FEZ1: variants seen among roughly 807,000 people sequenced by gnomAD.
The protein encoded by FEZ1 is fasciculation and elongation protein zeta-1.
In FEZ1, 20 loss-of-function variants were observed where a neutral mutation model predicts 49.3. The observed-to-expected ratio is 0.41, with a 90% CI of 0.29 to 0.59. FEZ1 has a LOEUF of 0.59. FEZ1 is among the 20% of genes least tolerant of loss of function. The pLI, the probability that FEZ1 is intolerant of heterozygous loss-of-function variation, is 0.36. For synonymous variants in FEZ1, 170 were observed against 180.9 expected, an observed-to-expected ratio of 0.94 and a Z score of 0.48; for missense variants, 413 against 476.0, an observed-to-expected ratio of 0.87 and a Z score of 1.23.
At chr11:125,482,027 G>A (rs1198980777) in intron 2 of FEZ1, among the ~76,000 whole-genome samples, 5 of 151,754 alleles carry the variant, frequency 3.3e-5, no homozygotes, top group Admixed American at 3.3e-4. Flanking sequence ...GAGAGAGAAA[G>A]AGAGAGAGAG....
In FEZ1 at chr11:125,460,491, C is replaced by A; in HGVS notation, c.667+7G>T. The A allele has an allele frequency of 6.2e-7, 1 of 1,612,766 alleles. No individual in the cohort carries two copies. Among genetic ancestry groups the A allele is most frequent in the Non-Finnish European group, 8.5e-7 (1 of 1,179,274 alleles). On this transcript the variant is annotated splice_region_variant and intron_variant, in intron 5 of 9. Coordinates refer to ENST00000278919, the MANE Select transcript of FEZ1 (RefSeq NM_005103.5). ...TCCTCGGCCAGCCCAGCGCCCAGGG[C>A]CCTCACCTTCATAGGACCAGTTGTT... is the stretch of plus-strand genomic sequence containing the variant.
chr11:125,448,124 A>T (rs1239827049), intron 9 of FEZ1, among the ~76,000 whole-genome samples: 1 of 152,182 alleles, frequency 6.6e-6, no homozygotes, highest in Non-Finnish European at 1.5e-5. Context: ...CAAGGTTAAA[A>T]AGTTATGAAA....
intron 2 of FEZ1, among the ~76,000 whole-genome samples, chr11:125,486,874 GT>G (rs1420336066): frequency 1.3e-5 from 2 of 152,204 alleles, no homozygotes; most frequent in Non-Finnish European, 2.9e-5. Flanking sequence ...ATGAAACAAA[GT>G]GTGTAACAGA....
intron 9 of FEZ1, among the ~76,000 whole-genome samples, chr11:125,447,757 G>C (rs1956911141): frequency 6.6e-6 from 1 of 151,910 alleles, no homozygotes; most frequent in South Asian, 2.1e-4. Context: ...AGGAGGCGGA[G>C]GTTGTAGTGA....
intron 3 of FEZ1, among the ~76,000 whole-genome samples, chr11:125,476,191 GTGA>G (rs1180585499): frequency 6.6e-6 from 1 of 152,206 alleles, no homozygotes; most frequent in African/African-American, 2.4e-5. Flanking sequence ...CTTGATTGTG[GTGA>G]TGGTTTCGCA....
chr11:125,479,906 G>A (rs1957264369), intron 3 of FEZ1, among the ~76,000 whole-genome samples: 1 of 152,170 alleles, frequency 6.6e-6, no homozygotes, highest in Admixed American at 6.5e-5. Context: ...ATTCAGATAG[G>A]AGGGGCAATT....
At chr11:125,477,624 G>A (rs1466479366) in intron 3 of FEZ1, among the ~76,000 whole-genome samples, 1 of 152,184 alleles carries the variant, frequency 6.6e-6, no homozygotes, top group East Asian at 1.9e-4. Context: ...ATCCCAGGAG[G>A]CAGAGTCCTC....
chr11:125,449,441 A>AAAGAAG (rs1555177853), intron 8 of FEZ1, among the ~76,000 whole-genome samples: 7 of 128,146 alleles, frequency 5.5e-5, no homozygotes, highest in African/African-American at 1.9e-4. Flanking sequence ...AAAAAAAAAA[A>AAAGAAG]AAGAAGAAGA....
intron 1 of FEZ1, among the ~76,000 whole-genome samples, chr11:125,490,605 C>T (rs866091971): frequency 5.9e-4 from 89 of 151,882 alleles, no homozygotes; most frequent in Non-Finnish European, 2.2e-4. Flanking sequence ...TGCTTGTAAT[C>T]CCAGCACTTT....
rs1332487454 is a variant in FEZ1 at position 125,443,521 on chromosome 11, C to G, written c.*2574G>C. On this transcript the variant is annotated 3_prime_UTR_variant, in exon 10 of 10. Coordinates refer to ENST00000278919, the MANE Select transcript of FEZ1 (RefSeq NM_005103.5). Reference sequence around the variant, plus strand: ...TTGAACTCAAGGCACAAAACCCAGGCTCCTTTTAAGAGAAGAGCTGCCTCC... The same window carrying G: ...TTGAACTCAAGGCACAAAACCCAGGGTCCTTTTAAGAGAAGAGCTGCCTCC... Among the ~76,000 whole-genome samples, 2 of 152,198 alleles carry G rather than the reference C, an allele frequency of 1.3e-5. No homozygotes were observed. The highest frequency in any genetic ancestry group is 2.4e-5 in the African/African-American group (1 of 41,444).
intron 3 of FEZ1, among the ~76,000 whole-genome samples, chr11:125,468,128 G>A (rs1268890259): frequency 6.6e-6 from 1 of 152,070 alleles, no homozygotes; most frequent in Non-Finnish European, 1.5e-5. Context: ...AGCTTACAAT[G>A]AAACTCTGAG....
chr11:125,493,663 T>C (rs756259690), intron 1 of FEZ1, among the ~76,000 whole-genome samples: 9 of 152,244 alleles, frequency 5.9e-5, no homozygotes, highest in Non-Finnish European at 1.3e-4. Flanking sequence ...GAAAGAATTT[T>C]AGCATCTTTT....
At chr11:125,457,429 A>ATATATATAT (rs1555178498) in intron 5 of FEZ1, among the ~76,000 whole-genome samples, 2 of 20,912 alleles carry the variant, frequency 9.6e-5, no homozygotes, top group Non-Finnish European at 1.6e-4. Flanking sequence ...AAAAAAAAAA[A>ATATATATAT]ATATATATAT....
chr11:125,489,762 C>G lies in FEZ1; in HGVS notation c.16G>C (p.Val6Leu). Residue 6 changes from valine (V) to leucine (L), a missense_variant, in exon 2 of 10, where the codon GTG (valine) becomes CTG (leucine). Val to Leu is a conservative substitution (Grantham distance 32). Coordinates refer to ENST00000278919, the MANE Select transcript of FEZ1 (RefSeq NM_005103.5). This position sits in a 1 kb window ranked among gnomAD's most constrained non-coding sequence, Gnocchi z 4.2. The stretch of plus-strand genomic sequence containing the variant: ...TCCTCAAACTCTTCATCCAGACTCA[C>G]CAGTGGGGCCTCCATTCTTGCTCAG... MEAPL[V>L]SLDEEFEDLR... The G allele has an allele frequency of 6.5e-7, 1 of 1,538,900 alleles. No homozygotes were observed. Among genetic ancestry groups the G allele is most frequent in the Non-Finnish European group, 8.7e-7 (1 of 1,145,668 alleles).
At chr11:125,452,212 G>A (rs1956964039) in intron 8 of FEZ1, 122 bp downstream of exon 8, 2 of 704,836 alleles carry the variant, frequency 2.8e-6, no homozygotes, top group Non-Finnish European at 5.2e-6. Context: ...TAATTTGGAG[G>A]GTATTTTGGC....
intron 5 of FEZ1, among the ~76,000 whole-genome samples, chr11:125,457,439 TATATATATATATGTATATATACAC>T (rs1344915209): frequency 2.2e-5 from 2 of 90,744 alleles, no homozygotes; most frequent in Non-Finnish European, 4.4e-5. Context: ...AATATATATA[TATATATATATATGTATATATACAC>T]ATATATATGT....
At chr11:125,473,246 T>G (rs1413689640) in intron 3 of FEZ1, among the ~76,000 whole-genome samples, 1 of 152,222 alleles carries the variant, frequency 6.6e-6, no homozygotes. Flanking sequence ...GATCCGCACA[T>G]ACATGATCAA....
intron 8 of FEZ1, among the ~76,000 whole-genome samples, chr11:125,450,749 A>C (rs1010807769): frequency 2.6e-5 from 4 of 152,268 alleles, no homozygotes; most frequent in Non-Finnish European, 5.9e-5. Flanking sequence ...ACAAAGTGTT[A>C]ACTAATGTGA....
chr11:125,472,336 G>T (rs572264895), intron 3 of FEZ1, among the ~76,000 whole-genome samples: 14 of 152,098 alleles, frequency 9.2e-5, no homozygotes, highest in African/African-American at 3.4e-4. Context: ...TAATAAAGGT[G>T]ATAATCCCAC....
Sources: allele counts gnomAD v4.1 joint callset (sites outside exome capture counted in the v4.1 genomes callset), GRCh38; gene constraint gnomAD v4.1.1; non-coding constraint Gnocchi (gnomAD v3.1); transcripts MANE v1.5; gene names NCBI Gene and HGNC (gene_info 2026-07-23, HGNC 2026-07-21).